The following FAIM variants were observed in gnomAD, a reference collection of about 807,000 sequenced individuals.
The protein encoded by FAIM is fas apoptotic inhibitory molecule 1.
A neutral mutation model predicts 21.2 loss-of-function variants in FAIM; 14 were observed. The ratio of observed to expected loss-of-function variants is 0.66; its 90% CI spans 0.44 to 1.03. The LOEUF (loss-of-function observed/expected upper bound fraction) is 1.03. Among genes scored for constraint, FAIM ranks in the 50% least tolerant of loss-of-function variants. The probability of loss-of-function intolerance (pLI) is 0.00; values close to 1 mark genes in which losing one functional copy is unlikely to be tolerated. For missense variants in FAIM, 222 were observed against 247.1 expected (o/e 0.90, Z 0.68); for synonymous variants, 86 against 80.4 (o/e 1.07, Z -0.37).
At chr3:138,615,047 T>TGAAAA (rs1037257349) in intron 1 of FAIM, among the ~76,000 whole-genome samples, 1 of 152,250 alleles carries the variant, frequency 6.6e-6, no homozygotes, top group Non-Finnish European at 1.5e-5. Flanking sequence ...ATGGATTTAG[T>TGAAAA]ACACCTAACC....
chr3:138,628,547 C>T (rs1003596700), intron 4 of FAIM, among the ~76,000 whole-genome samples: 50 of 151,774 alleles, frequency 3.3e-4, no homozygotes, highest in African/African-American at 7.3e-4. Context: ...TGCAGTGGTG[C>T]GGTCTCGGCT....
At chr3:138,632,528 G>A (rs957642555) in intron 5 of FAIM, among the ~76,000 whole-genome samples, 4 of 152,078 alleles carry the variant, frequency 2.6e-5, no homozygotes, top group African/African-American at 7.2e-5. Flanking sequence ...GAGTGGCTAA[G>A]AACACTCCAT....
intron 4 of FAIM, among the ~76,000 whole-genome samples, chr3:138,625,900 A>C (rs1455053432): frequency 6.6e-6 from 1 of 152,164 alleles, no homozygotes; most frequent in African/African-American, 2.4e-5. Context: ...CCACCTAAAA[A>C]ATGTGAGGCA....
rs1366907767 is a variant in FAIM, at chr3:138,622,404, AG to A, written c.395del (p.Arg132LysfsTer25). The A allele has an allele frequency of 6.3e-7, 1 of 1,596,252 alleles. No homozygotes were observed. On this transcript the variant is annotated frameshift_variant, in exon 4 of 6. Coordinates refer to ENST00000360570, the MANE Select transcript of FAIM (RefSeq NM_001033031.2). LOFTEE classifies it high-confidence loss of function. The part of the protein sequence containing the change: ...WVLHMDGENF[R>X]IVLEKDAMDV... ...ATTACACATGGATGGTGAGAACTTT[AG>A]AATTGTTTTGGGTAAGTTAGTGCTG... is the stretch of plus-strand genomic sequence containing the variant.
At chr3:138,610,919 G>GTTTAAAAAAA in intron 1 of FAIM, 1 of 1,568,128 alleles carries the variant, frequency 6.4e-7, no homozygotes, top group Non-Finnish European at 8.8e-7. Context: ...GCCTTCTTCG[G>GTTTAAAAAAA]CAGAGCTACG....
At chr3:138,627,573 T>C (rs1450310568) in intron 4 of FAIM, among the ~76,000 whole-genome samples, 2 of 152,220 alleles carry the variant, frequency 1.3e-5, no homozygotes, top group Non-Finnish European at 2.9e-5. Context: ...AATACGCTAT[T>C]GTAGAAACTC....
intron 4 of FAIM, among the ~76,000 whole-genome samples, chr3:138,628,087 C>G (rs1374802683): frequency 1.3e-5 from 2 of 152,180 alleles, no homozygotes; most frequent in African/African-American, 4.8e-5. Flanking sequence ...GGGGACTCCT[C>G]CACCCTGAGA....
chr3:138,609,614 A>ACTCTCTCTCTCTCTCTCTCTCT (rs1211208979), intron 1 of FAIM, among the ~76,000 whole-genome samples: 2 of 25,426 alleles, frequency 7.9e-5, no homozygotes, highest in African/African-American at 1.1e-4. Flanking sequence ...CTCTCTCTCG[A>ACTCTCTCTCTCTCTCTCTCTCT]CTCTCTCTCT....
At chr3:138,624,162 A>G (rs1292511842) in intron 4 of FAIM, among the ~76,000 whole-genome samples, 1 of 152,192 alleles carries the variant, frequency 6.6e-6, no homozygotes, top group Non-Finnish European at 1.5e-5. Flanking sequence ...TCTCATTAAT[A>G]ATGGAAATTT....
At chr3:138,624,761 A>G (rs577124221) in intron 4 of FAIM, among the ~76,000 whole-genome samples, 1 of 152,340 alleles carries the variant, frequency 6.6e-6, no homozygotes, top group African/African-American at 2.4e-5. Flanking sequence ...CCTCATCTGT[A>G]AAATGGGGAT....
At chr3:138,629,185 G>A (rs1462107489) in intron 5 of FAIM, 29 bp downstream of exon 5, 8 of 1,564,456 alleles carry the variant, frequency 5.1e-6, no homozygotes, top group Admixed American at 1.7e-5. Flanking sequence ...GACTCTAAGT[G>A]CCATGTGTCT....
At chr3:138,610,980 C>CA (rs1182109834) in intron 1 of FAIM, 6 of 1,613,750 alleles carry the variant, frequency 3.7e-6, no homozygotes, top group Non-Finnish European at 5.1e-6. Context: ...TTTATAAGGA[C>CA]ACTCCCACTG....
chr3:138,619,071 G>A (rs962201810), intron 1 of FAIM, among the ~76,000 whole-genome samples: 4 of 152,140 alleles, frequency 2.6e-5, no homozygotes, highest in South Asian at 2.1e-4. Flanking sequence ...TTCATCATTG[G>A]CACTAGTAAA....
chr3:138,612,096 ATTTTTTTT>A (rs138371254), intron 1 of FAIM, among the ~76,000 whole-genome samples: 7 of 100,778 alleles, frequency 6.9e-5, no homozygotes, highest in African/African-American at 2.3e-4. Context: ...TTGTCTGGCT[ATTTTTTTT>A]TTTTTTTTTT....
chr3:138,610,507 TG>T (rs2042755876), intron 1 of FAIM: 2 of 152,506 alleles, frequency 1.3e-5, no homozygotes, highest in Non-Finnish European at 2.9e-5. Flanking sequence ...TTTTCCAGTT[TG>T]GTCATAGAAT....
chr3:138,626,090 A>G (rs754743082), intron 4 of FAIM, among the ~76,000 whole-genome samples: 1 of 152,166 alleles, frequency 6.6e-6, no homozygotes, highest in Non-Finnish European at 1.5e-5. Context: ...ACAGAACATA[A>G]CCTGCTCAGG....
intron 4 of FAIM, among the ~76,000 whole-genome samples, chr3:138,627,608 G>A (rs1176823673): frequency 6.6e-6 from 1 of 152,170 alleles, no homozygotes; most frequent in Admixed American, 6.5e-5. Context: ...TGTTCAGTAA[G>A]CATAGCAAGT....
rs1324621234 is a variant in FAIM at position 138,633,205 on chromosome 3, A to C, written c.*126A>C. On this transcript the variant is annotated 3_prime_UTR_variant, in exon 6 of 6. Transcript: ENST00000360570. ...TTAATTTTTTAAAAAGTTACATGAA[A>C]CTAACATTCCAAGGGTCAGGAAAAA... is the stretch of plus-strand genomic sequence containing the variant. 3 of 819,860 alleles carry C rather than the reference A, an allele frequency of 3.7e-6. No individual in the cohort carries two copies. Among genetic ancestry groups the C allele is most frequent in the Admixed American group, 7.5e-5 (2 of 26,800 alleles). 50.8% of individuals were successfully genotyped at this position (819,860 alleles called of 1,614,324 possible). A position where few individuals can be genotyped will look rare whatever the true frequency, so the allele number is the denominator to read the frequency against.
chr3:138,622,367 C>G lies in FAIM; in HGVS notation c.357C>G (p.Thr119=). The G allele has an allele frequency of 6.2e-7, 1 of 1,612,294 alleles. No homozygotes were observed. The highest frequency in any genetic ancestry group is 8.5e-7 in the Non-Finnish European group (1 of 1,179,524). Residue 119 remains threonine (T), a synonymous_variant, in exon 4 of 6, where the codon ACC becomes ACG. Coordinates refer to ENST00000360570, the MANE Select transcript of FAIM (RefSeq NM_001033031.2). The part of the protein sequence containing the change: ...KKYMEDRSKT[T]NTWVLHMDGE... ...ATATGGAGGACAGATCAAAAACCAC[C>G]AATACTTGGGTATTACACATGGATG... is the stretch of plus-strand genomic sequence containing the variant.
Sources: gnomAD v4.1 joint callset for allele counts (sites outside exome capture counted in the v4.1 genomes callset) on GRCh38, gnomAD v4.1.1 for gene constraint, MANE v1.5 for transcripts, NCBI Gene and HGNC (gene_info 2026-07-23, HGNC 2026-07-21) for gene names.